The following SBNO1 variants were observed in gnomAD, a reference collection of about 807,000 sequenced individuals.
The protein encoded by SBNO1 is protein strawberry notch homolog 1.
In SBNO1, 23 loss-of-function variants were observed where a neutral mutation model predicts 173.6. That is an observed-to-expected ratio of 0.13 (90% CI 0.10 to 0.19). SBNO1 has a LOEUF of 0.19. Ranked by LOEUF, SBNO1 falls within the 10% of genes least tolerant of loss-of-function variation. The pLI is 1.00. For synonymous variants in SBNO1, 632 were observed against 571.5 expected (o/e 1.11, Z -1.51); for missense variants, 1,238 against 1,671.2 (o/e 0.74, Z 4.52).
At position 123,321,717 on chromosome 12, in the gene SBNO1, C is replaced by T. The variant is rs759725890; in HGVS notation, c.2141G>A (p.Arg714Gln). 31 of 1,613,864 alleles carry T rather than the reference C, an allele frequency of 1.9e-5. No homozygotes were observed. The highest frequency in any genetic ancestry group is 2.4e-5 in the Non-Finnish European group (28 of 1,179,986). Residue 714 changes from arginine (R) to glutamine (Q), a missense_variant, in exon 17 of 32, where the codon CGA becomes CAA. This residue lies in a region of SBNO1 where 81 missense variants were observed against 82.6 expected (regional missense o/e 0.98). Coordinates refer to ENST00000602398, the MANE Select transcript of SBNO1 (RefSeq NM_001167856.3). ...IKKRKGEEIT[R>Q]EAKKARKVGG... is the part of the protein sequence containing the mutation. ...TACTTTTCGTGCTTTTTTGGCTTCTCGAGTTATTTCTTCACCTACCCTCCG... is the reference window on the plus strand; with the variant it reads ...TACTTTTCGTGCTTTTTTGGCTTCTTGAGTTATTTCTTCACCTACCCTCCG...
intron 1 of SBNO1, among the ~76,000 whole-genome samples, chr12:123,360,222 G>A (rs139430206): frequency 1.3e-3 from 185 of 147,004 alleles, no homozygotes; most frequent in Admixed American, 3.8e-3. Flanking sequence ...CTCCAGCCTC[G>A]GTGACAAGAG....
At chr12:123,301,304 G>A (rs2048783856) in intron 30 of SBNO1, among the ~76,000 whole-genome samples, 1 of 152,074 alleles carries the variant, frequency 6.6e-6, no homozygotes, top group South Asian at 2.1e-4. Flanking sequence ...TGCCTAGCCA[G>A]CCTACCTTTT....
At chr12:123,312,858 A>G (rs188209666) in intron 24 of SBNO1, among the ~76,000 whole-genome samples, 1 of 152,110 alleles carries the variant, frequency 6.6e-6, no homozygotes, top group Admixed American at 6.6e-5. Flanking sequence ...ATCAATCCTC[A>G]CAGATTATTT....
At chr12:123,341,602 ACCT>A (rs561382671) in intron 4 of SBNO1, among the ~76,000 whole-genome samples, 80 of 151,398 alleles carry the variant, frequency 5.3e-4, no homozygotes, top group African/African-American at 1.8e-3. Flanking sequence ...GCTGACTGCA[ACCT>A]CCTCCTCCCG....
chr12:123,359,156 A>C (rs1372515800), intron 1 of SBNO1, among the ~76,000 whole-genome samples: 1 of 151,688 alleles, frequency 6.6e-6, no homozygotes, highest in Non-Finnish European at 1.5e-5. Flanking sequence ...GATGGTCTCC[A>C]TCTCCCGACC....
At position 123,364,732 on chromosome 12, in the gene SBNO1, C is replaced by A. The variant is rs1168815975; in HGVS notation, c.-32G>T. 1 of 987,298 alleles carries A rather than the reference C, an allele frequency of 1.0e-6. No homozygotes were observed. Among genetic ancestry groups the A allele is most frequent in the South Asian group, 4.5e-5 (1 of 21,992 alleles). The allele number at this position is 987,298 out of a possible 1,614,324, so 61.2% of individuals were successfully genotyped here. ...CGCGGGACCCGGCGCCAGCACAGCT[C>A]CTCCCGGGAGGTGTGAGTTTGAAGG... On this transcript the variant is annotated 5_prime_UTR_variant, in exon 1 of 32. Coordinates refer to ENST00000602398, the MANE Select transcript of SBNO1 (RefSeq NM_001167856.3).
At chr12:123,347,385 C>T (rs564412172) in intron 3 of SBNO1, among the ~76,000 whole-genome samples, 80 of 151,682 alleles carry the variant, frequency 5.3e-4, no homozygotes, top group African/African-American at 1.9e-3. Context: ...CGCCACCACA[C>T]CCGGCTAATT....
intron 20 of SBNO1, 73 bp downstream of exon 20, chr12:123,319,827 A>G (rs1003351771): frequency 8.1e-6 from 11 of 1,351,410 alleles, no homozygotes; most frequent in African/African-American, 2.9e-5. Context: ...AAAAGGAAAA[A>G]GACTCTTCTA....
In SBNO1 at chr12:123,313,671, C is replaced by A; in HGVS notation, c.3169G>T (p.Asp1057Tyr). The change falls in exon 24 of 32, where the codon GAT (aspartate) becomes TAT (tyrosine). Residue 1057 changes from aspartate to tyrosine, a missense_variant. By Grantham distance (160) the Asp-to-Tyr change is radical. Around this residue, in one of 14 missense-constraint regions of SBNO1, gnomAD observed 351 missense variants for 420.3 expected, o/e 0.84. Coordinates refer to ENST00000602398, the MANE Select transcript of SBNO1 (RefSeq NM_001167856.3). ...EIVMKSIVNL[D>Y]SPMVSPPPDY... The stretch of plus-strand genomic sequence containing the variant: ...GGAGGTGGTGATACCATAGGAGAAT[C>A]CAAGTTTACAATGGATTTCATGACA... 1 of 1,610,500 alleles carries A rather than the reference C, an allele frequency of 6.2e-7. No individual in the cohort carries two copies. Among genetic ancestry groups the A allele is most frequent in the South Asian group, 1.1e-5 (1 of 90,898 alleles).
At chr12:123,328,472 T>A (rs1365414747) in intron 10 of SBNO1, among the ~76,000 whole-genome samples, 5 of 152,210 alleles carry the variant, frequency 3.3e-5, no homozygotes, top group Admixed American at 2.0e-4. Flanking sequence ...AAATATGCAA[T>A]GTTAATCCTC....
In SBNO1 at chr12:123,294,666, AAAAGAAAAG is replaced by A. The variant is rs1566016880; in HGVS notation, c.*1233_*1241del. On this transcript the variant is annotated 3_prime_UTR_variant, in exon 32 of 32. Transcript: ENST00000602398. ...AAAAAAAAAAAAAAAAAAAAAGAAA[AAAAGAAAAG>A]AAAGAAAAAGAAAGAAAAGATAAAA... 126 of 162,862 alleles carry A rather than the reference AAAAGAAAAG, an allele frequency of 7.7e-4. No individual in the cohort carries two copies. Among genetic ancestry groups the A allele is most frequent in the African/African-American group, 3.2e-3 (118 of 36,968 alleles). The allele number at this position is 162,862 out of a possible 1,614,324, so 10.1% of individuals were successfully genotyped here. A position where few individuals can be genotyped will look rare whatever the true frequency, so the allele number is the denominator to read the frequency against.
chr12:123,300,454 A>C lies in SBNO1; in HGVS notation c.3846-2283T>G, dbSNP rs185929635. On this transcript the variant is annotated intron_variant, in intron 30 of 31. Coordinates refer to ENST00000602398, the MANE Select transcript of SBNO1 (RefSeq NM_001167856.3). The stretch of plus-strand genomic sequence containing the variant: ...AGGCGGATCACGAGGTCAGGAGATC[A>C]AGACCATCATGGCTAACACGGTGAA... Among the ~76,000 whole-genome samples, 576 of 151,690 alleles carry C rather than the reference A, an allele frequency of 3.8e-3. 4 individuals carry two copies. The highest frequency in any genetic ancestry group is 0.013 in the African/African-American group (532 of 41,360).
intron 28 of SBNO1, among the ~76,000 whole-genome samples, chr12:123,306,902 A>G (rs548664704): frequency 6.6e-6 from 1 of 151,816 alleles, no homozygotes; most frequent in South Asian, 2.1e-4. Context: ...CCCCAAAACC[A>G]GCAAGGCACA....
chr12:123,318,966 C>T (rs775353448), intron 20 of SBNO1, among the ~76,000 whole-genome samples: 1 of 148,660 alleles, frequency 6.7e-6, no homozygotes, highest in African/African-American at 2.5e-5. Context: ...ACTAAGGGAA[C>T]GTTTTTTTTT....
At position 123,291,153 on chromosome 12, in the gene SBNO1, A is replaced by G. The variant is rs2048505725; in HGVS notation, c.*4755T>C. 6.6e-6 allele frequency: 1 copy of G among 152,134 alleles called. No individual in the cohort carries two copies. The highest frequency in any genetic ancestry group is 1.5e-5 in the Non-Finnish European group (1 of 68,044). 9.4% of individuals were successfully genotyped at this position (152,134 alleles called of 1,614,324 possible). Reference sequence around the variant, plus strand: ...AAACAGCAGCAGGCTACCTGTGTTCATTGCAAGTAAATTACTCATCATTTG... The same window carrying G: ...AAACAGCAGCAGGCTACCTGTGTTCGTTGCAAGTAAATTACTCATCATTTG... On this transcript the variant is annotated 3_prime_UTR_variant, in exon 32 of 32. Coordinates refer to ENST00000602398, the MANE Select transcript of SBNO1 (RefSeq NM_001167856.3).
chr12:123,351,618 TCA>T (rs1228387913), intron 1 of SBNO1, among the ~76,000 whole-genome samples: 1 of 151,472 alleles, frequency 6.6e-6, no homozygotes, highest in African/African-American at 2.4e-5. Flanking sequence ...CCAACTCAAC[TCA>T]GTAAAGATAG....
At chr12:123,316,296 C>T (rs968453626) in intron 21 of SBNO1, among the ~76,000 whole-genome samples, 1 of 152,168 alleles carries the variant, frequency 6.6e-6, no homozygotes, top group African/African-American at 2.4e-5. Flanking sequence ...GTGATCTTGG[C>T]TCACTGCAAC....
intron 4 of SBNO1, among the ~76,000 whole-genome samples, chr12:123,342,070 G>A (rs768169133): frequency 1.8e-4 from 28 of 151,828 alleles, no homozygotes; most frequent in Middle Eastern, 6.8e-3. Flanking sequence ...TTGGGAGGCC[G>A]AGGAGGCCCA....
intron 9 of SBNO1, 47 bp downstream of exon 9, chr12:123,330,372 T>C (rs1871075175): frequency 1.8e-6 from 2 of 1,092,906 alleles, no homozygotes; most frequent in Non-Finnish European, 2.8e-6. Context: ...ATCTCACAGA[T>C]GAGTCAATAT....
Sources: gnomAD v4.1 joint callset for allele counts (sites outside exome capture counted in the v4.1 genomes callset) on GRCh38, gnomAD v4.1.1 for gene constraint, gnomAD v4.1.1 regional missense constraint, MANE v1.5 for transcripts, NCBI Gene and HGNC (gene_info 2026-07-23, HGNC 2026-07-21) for gene names.